TMC3: variants seen among roughly 807,000 people sequenced by gnomAD.
TMC3 encodes the protein transmembrane channel like 3, also known as transmembrane channel-like protein 3.
In TMC3, 98 loss-of-function variants were observed where a neutral mutation model predicts 110.6. The observed-to-expected ratio is 0.89, with a 90% CI of 0.75 to 1.05. The LOEUF is 1.05. Among genes scored for constraint, TMC3 ranks in the 50% least tolerant of loss-of-function variants. The probability of loss-of-function intolerance (pLI) is 0.00; values close to 1 mark genes in which losing one functional copy is unlikely to be tolerated. For synonymous variants in TMC3, 489 were observed against 513.1 expected, an observed-to-expected ratio of 0.95 and a Z score of 0.63; for missense variants, 1,319 against 1,373.2, an observed-to-expected ratio of 0.96 and a Z score of 0.62.
intron 15 of TMC3, chr15:81,341,720 T>G (rs540297611): frequency 2.5e-6 from 1 of 397,810 alleles, no homozygotes; most frequent in Non-Finnish European, 4.5e-6. Context: ...TGGGTATTGA[T>G]CCTATTTTAA....
At chr15:81,348,344 G>C (rs1454760222) in intron 11 of TMC3, among the ~76,000 whole-genome samples, 2 of 152,204 alleles carry the variant, frequency 1.3e-5, no homozygotes, top group Non-Finnish European at 2.9e-5. Context: ...CAGGTAAGCA[G>C]GGCTCTCACT....
At position 81,349,545 on chromosome 15, in the gene TMC3, A is replaced by G. The variant is rs1388954227; in HGVS notation, c.1106T>C (p.Val369Ala). 2 of 1,548,036 alleles carry G rather than the reference A, an allele frequency of 1.3e-6. No homozygotes were observed. The highest frequency in any genetic ancestry group is 3.8e-5 in the Admixed American group (2 of 52,618). The change falls in exon 11 of 22, where the codon GTC (valine) becomes GCC (alanine). Residue 369 changes from valine to alanine, a missense_variant. Physicochemically the swap from Val to Ala is moderately conservative, Grantham distance 64. Coordinates refer to ENST00000359440, the MANE Select transcript of TMC3 (RefSeq NM_001080532.3). The part of the protein sequence containing the change: ...KNEVSVVVSL[V>A]TMIAPSAFDL... ...AAAGGCTGATGGTGCTATCATGGTG[A>G]CGAGGGAGACCACCACACTGACCTG...
At chr15:81,337,640 G>C (rs1056415660) in intron 19 of TMC3, 14 of 619,914 alleles carry the variant, frequency 2.3e-5, no homozygotes, top group African/African-American at 9.2e-5. Context: ...ACAGGAGCAG[G>C]CTTCCTCCTA....
chr15:81,343,411 A>G (rs1020374536), intron 14 of TMC3, 66 bp from the exon 15 acceptor site: 4 of 1,025,816 alleles, frequency 3.9e-6, no homozygotes, highest in Non-Finnish European at 4.7e-6. Flanking sequence ...CCAATTAATT[A>G]CAGACACCTA....
At chr15:81,341,748 G>T in intron 15 of TMC3, 1 of 304,334 alleles carries the variant, frequency 3.3e-6, no homozygotes, top group Non-Finnish European at 6.1e-6. Flanking sequence ...TATTTGCAAA[G>T]GACAACTGTT....
At chr15:81,362,102 G>T in intron 4 of TMC3, 118 bp downstream of exon 4, 1 of 813,548 alleles carries the variant, frequency 1.2e-6, no homozygotes. Context: ...CAGTGACTCT[G>T]CTATGAGGGT....
intron 18 of TMC3, among the ~76,000 whole-genome samples, chr15:81,338,394 G>T (rs1893642340): frequency 6.6e-6 from 1 of 152,176 alleles, no homozygotes; most frequent in Non-Finnish European, 1.5e-5. Flanking sequence ...ACCAAATGGT[G>T]TTGATGGATC....
chr15:81,337,776 C>G, intron 19 of TMC3, 70 bp downstream of exon 19: 1 of 1,352,628 alleles, frequency 7.4e-7, no homozygotes, highest in African/African-American at 1.4e-5. Flanking sequence ...CACTTGTATT[C>G]CCACGCTGGC....
chr15:81,347,570 C>T (rs1893853004), intron 11 of TMC3, among the ~76,000 whole-genome samples: 1 of 152,206 alleles, frequency 6.6e-6, no homozygotes, highest in African/African-American at 2.4e-5. Flanking sequence ...GAATGCATTT[C>T]CTCTCCTGCT....
At chr15:81,352,095 C>T (rs1893964843) in intron 9 of TMC3, among the ~76,000 whole-genome samples, 1 of 152,148 alleles carries the variant, frequency 6.6e-6, no homozygotes, top group Non-Finnish European at 1.5e-5. Context: ...CAAATAAACG[C>T]CTCTTGTTTT....
intron 11 of TMC3, 42 bp downstream of exon 11, chr15:81,349,416 T>C: frequency 1.5e-6 from 2 of 1,316,492 alleles, no homozygotes; most frequent in Non-Finnish European, 2.0e-6. Flanking sequence ...GGTGGGCACA[T>C]GGGTGAGCCA....
intron 3 of TMC3, among the ~76,000 whole-genome samples, chr15:81,363,250 C>CAA (rs61360425): frequency 7.2e-5 from 9 of 125,202 alleles, no homozygotes; most frequent in Non-Finnish European, 1.4e-4. Context: ...GACTCCGTCT[C>CAA]AAAAAAAAAA....
chr15:81,333,578 C>T (rs1893523517), intron 21 of TMC3, among the ~76,000 whole-genome samples: 1 of 152,242 alleles, frequency 6.6e-6, no homozygotes, highest in Non-Finnish European at 1.5e-5. Flanking sequence ...GGACTAGTGT[C>T]TGTGAAGCAC....
chr15:81,338,800 A>G lies in TMC3; in HGVS notation c.1956-20T>C. On this transcript the variant is annotated intron_variant, in intron 17 of 21. Coordinates refer to ENST00000359440, the MANE Select transcript of TMC3 (RefSeq NM_001080532.3). ...TGTCCACTGTGAGAAAGAAAAACATAACTCCAGATTTTATTGCTCTTGGCA... is the reference window on the plus strand; with the variant it reads ...TGTCCACTGTGAGAAAGAAAAACATGACTCCAGATTTTATTGCTCTTGGCA... 1 of 1,612,666 alleles carries G rather than the reference A, an allele frequency of 6.2e-7. No individual in the cohort carries two copies. Among genetic ancestry groups the G allele is most frequent in the South Asian group, 1.1e-5 (1 of 90,892 alleles).
intron 9 of TMC3, among the ~76,000 whole-genome samples, 187 bp from the exon 10 acceptor site, chr15:81,352,028 C>A (rs1036236227): frequency 6.6e-6 from 1 of 152,134 alleles, no homozygotes; most frequent in Non-Finnish European, 1.5e-5. Flanking sequence ...AAGAGATCAA[C>A]GACCAGTCAT....
intron 3 of TMC3, among the ~76,000 whole-genome samples, chr15:81,366,276 G>C (rs1404968616): frequency 6.6e-6 from 1 of 152,210 alleles, no homozygotes; most frequent in African/African-American, 2.4e-5. Flanking sequence ...AGCTGAGGAG[G>C]TCATACTTGA....
chr15:81,371,274 A>G (rs757158640), intron 2 of TMC3, among the ~76,000 whole-genome samples: 2 of 152,246 alleles, frequency 1.3e-5, no homozygotes, highest in African/African-American at 2.4e-5. Context: ...TGAGGATCAA[A>G]ACTATGGATG....
chr15:81,372,515 G>A lies in TMC3; in HGVS notation c.236+76C>T, dbSNP rs73434841. The A allele has an allele frequency of 1.4e-3, 2,238 of 1,576,864 alleles. 39 individuals are homozygous for A. In the African/African-American group the frequency reaches 0.027, roughly 19 times the overall value. ...CTCTCTCACATGAGTCTTTATCCTCGTTCCCATGGGCAAGGCAAGGTGGTT... is the reference window on the plus strand; with the variant it reads ...CTCTCTCACATGAGTCTTTATCCTCATTCCCATGGGCAAGGCAAGGTGGTT... On this transcript the variant is annotated intron_variant, in intron 2 of 21. Transcript: ENST00000359440.
chr15:81,344,826 G>A lies in TMC3; in HGVS notation c.1458C>T (p.Asn486=), dbSNP rs77308390. ...SAYTMPLIKA[N]KTSLHTQSPQ... The stretch of plus-strand genomic sequence containing the variant: ...GACTCTGAGTGTGGAGGCTAGTCTT[G>A]TTGGCCTTTATAAGAGGCATGGTAT... The change falls in exon 13 of 22, where the codon AAC becomes AAT. Residue 486 remains asparagine (N), a synonymous_variant. Coordinates refer to ENST00000359440, the MANE Select transcript of TMC3 (RefSeq NM_001080532.3). 6.2e-7 allele frequency: 1 copy of A among 1,613,912 alleles called. No homozygotes were observed. Among genetic ancestry groups the A allele is most frequent in the South Asian group, 1.1e-5 (1 of 91,076 alleles).
Sources: allele counts gnomAD v4.1 joint callset (sites outside exome capture counted in the v4.1 genomes callset), GRCh38; gene constraint gnomAD v4.1.1; transcripts MANE v1.5; gene names NCBI Gene and HGNC (gene_info 2026-07-23, HGNC 2026-07-21).